The following MDGA2 variants were observed in gnomAD, a reference collection of about 807,000 sequenced individuals.
MDGA2 encodes the protein MAM domain containing glycosylphosphatidylinositol anchor 2.
A neutral mutation model predicts 117.8 loss-of-function variants in MDGA2; 40 were observed. The ratio of observed to expected loss-of-function variants is 0.34; its 90% confidence interval spans 0.26 to 0.44. The LOEUF (loss-of-function observed/expected upper bound fraction) is 0.44. Among genes scored for constraint, MDGA2 ranks in the 20% least tolerant of loss-of-function variants. MDGA2 has a pLI of 1.00. For missense variants in MDGA2, 1,123 were observed against 1,250.6 expected (o/e 0.90, Z 1.54); for synonymous variants, 452 against 439.0 (o/e 1.03, Z -0.37).
chr14:47,061,865 T>C (rs1889895787), intron 6 of MDGA2, among the ~76,000 whole-genome samples: 1 of 152,058 alleles, frequency 6.6e-6, no homozygotes, highest in Non-Finnish European at 1.5e-5. Flanking sequence ...TGTGCAATTA[T>C]ACTTAAATAT....
chr14:47,445,987 T>C (rs1893114101), intron 1 of MDGA2, among the ~76,000 whole-genome samples: 1 of 152,194 alleles, frequency 6.6e-6, no homozygotes, highest in Admixed American at 6.5e-5. Context: ...CAAAGCAGTC[T>C]GGGTCAATAC....
At chr14:47,181,934 T>C (rs116223446) in intron 3 of MDGA2, among the ~76,000 whole-genome samples, 11,001 of 152,264 alleles carry the variant, frequency 0.072, 436 homozygotes, top group African/African-American at 0.11. Flanking sequence ...CATATTTATA[T>C]TAAAAAGTTG....
intron 1 of MDGA2, among the ~76,000 whole-genome samples, chr14:47,317,790 T>G (rs1889853331): frequency 6.6e-6 from 1 of 152,100 alleles, no homozygotes; most frequent in African/African-American, 2.4e-5. Context: ...CCAGTTACCA[T>G]CTATATGGCC....
At chr14:47,247,189 A>G (rs113662946) in intron 2 of MDGA2, among the ~76,000 whole-genome samples, 61 of 151,914 alleles carry the variant, frequency 4.0e-4, no homozygotes, top group African/African-American at 1.3e-3. Context: ...CTGAACCTGC[A>G]TCTTTGGGAT....
intron 10 of MDGA2, among the ~76,000 whole-genome samples, chr14:46,915,251 T>C (rs1399211420): frequency 6.6e-6 from 1 of 152,152 alleles, no homozygotes; most frequent in Non-Finnish European, 1.5e-5. Context: ...TAAGATAATA[T>C]TGATATTTAA....
At chr14:47,173,031 C>G (rs1309251290) in intron 3 of MDGA2, among the ~76,000 whole-genome samples, 2 of 152,020 alleles carry the variant, frequency 1.3e-5, no homozygotes, top group Non-Finnish European at 2.9e-5. Flanking sequence ...ATGCGATCAA[C>G]TGGAAGAAAG....
intron 1 of MDGA2, among the ~76,000 whole-genome samples, chr14:47,646,998 T>C (rs934245971): frequency 6.6e-5 from 10 of 152,206 alleles, no homozygotes; most frequent in African/African-American, 1.7e-4. Flanking sequence ...GATAGTTTAT[T>C]AATGAAATAC....
At chr14:47,604,564 A>T (rs989771792) in intron 1 of MDGA2, among the ~76,000 whole-genome samples, 3 of 137,426 alleles carry the variant, frequency 2.2e-5, no homozygotes, top group Non-Finnish European at 3.0e-5. Context: ...TCCTGGCTTC[A>T]AGTGATCCTC....
At chr14:47,237,245 A>C (rs187066352) in intron 2 of MDGA2, among the ~76,000 whole-genome samples, 69 of 150,438 alleles carry the variant, frequency 4.6e-4, no homozygotes, top group African/African-American at 1.5e-3. Context: ...TCCCTGACTT[A>C]AAAAAAAAAT....
At chr14:47,112,827 C>T (rs1881117488) in intron 5 of MDGA2, among the ~76,000 whole-genome samples, 2 of 152,106 alleles carry the variant, frequency 1.3e-5, no homozygotes, top group Admixed American at 6.5e-5. Flanking sequence ...ACTGTCTTTC[C>T]ACAATGGTTG....
intron 1 of MDGA2, among the ~76,000 whole-genome samples, chr14:47,328,580 T>C (rs1398259977): frequency 6.6e-6 from 1 of 152,172 alleles, no homozygotes; most frequent in Non-Finnish European, 1.5e-5. Flanking sequence ...TTGGAACTAA[T>C]TGGCAAGTGT....
chr14:47,355,926 C>T (rs1490972908), intron 1 of MDGA2, among the ~76,000 whole-genome samples: 1 of 152,150 alleles, frequency 6.6e-6, no homozygotes, highest in Non-Finnish European at 1.5e-5. Flanking sequence ...GTCTTTTCTG[C>T]TCTCAACCAT....
intron 8 of MDGA2, among the ~76,000 whole-genome samples, chr14:47,029,675 G>A (rs1888592738): frequency 1.3e-5 from 2 of 151,820 alleles, no homozygotes; most frequent in South Asian, 2.1e-4. Flanking sequence ...TGAAACTAAA[G>A]GACAGCTTAT....
At chr14:46,981,178 G>GGGA (rs386381280) in intron 8 of MDGA2, among the ~76,000 whole-genome samples, 2 of 151,576 alleles carry the variant, frequency 1.3e-5, no homozygotes, top group Admixed American at 1.3e-4. Context: ...CCAAGGGGGG[G>GGGA]GCGGATCATG....
intron 1 of MDGA2, among the ~76,000 whole-genome samples, chr14:47,425,032 A>T (rs1892657134): frequency 6.6e-6 from 1 of 152,176 alleles, no homozygotes; most frequent in Non-Finnish European, 1.5e-5. Context: ...CCCAAGTGGG[A>T]TGGGAATTGG....
intron 4 of MDGA2, among the ~76,000 whole-genome samples, chr14:47,135,772 C>G (rs1347616163): frequency 6.6e-6 from 1 of 152,084 alleles, no homozygotes; most frequent in Non-Finnish European, 1.5e-5. Flanking sequence ...ACTCTTCATT[C>G]TCATCAAATT....
intron 1 of MDGA2, among the ~76,000 whole-genome samples, chr14:47,460,967 A>T (rs976533089): frequency 4.6e-5 from 7 of 152,206 alleles, no homozygotes; most frequent in African/African-American, 1.7e-4. Flanking sequence ...TATTTCACAG[A>T]GTTTTACATC....
At chr14:47,106,618 G>A (rs565586529) in intron 5 of MDGA2, among the ~76,000 whole-genome samples, 1 of 152,142 alleles carries the variant, frequency 6.6e-6, no homozygotes, top group South Asian at 2.1e-4. Context: ...CTCTCTGACT[G>A]ACTCCTTCCC....
intron 1 of MDGA2, among the ~76,000 whole-genome samples, chr14:47,487,519 T>C (rs1465116567): frequency 1.3e-5 from 2 of 152,218 alleles, no homozygotes; most frequent in Non-Finnish European, 2.9e-5. Flanking sequence ...ATGAAAACTT[T>C]CATTATCACT....
Sources: allele counts gnomAD v4.1 joint callset (sites outside exome capture counted in the v4.1 genomes callset), GRCh38; gene constraint gnomAD v4.1.1; transcripts MANE v1.5; gene names NCBI Gene and HGNC (gene_info 2026-07-23, HGNC 2026-07-21).